SHROOM2: variants seen among roughly 807,000 people sequenced by gnomAD.
SHROOM2 encodes the protein shroom family member 2, also known as protein Shroom2.
Under a neutral mutation model 75.9 loss-of-function variants are expected in SHROOM2, and 33 were observed. The observed-to-expected ratio is 0.43, with a 90% confidence interval of 0.33 to 0.58. SHROOM2 has a LOEUF of 0.58. Among genes scored for constraint, SHROOM2 ranks in the 20% least tolerant of loss-of-function variants. The probability of loss-of-function intolerance (pLI) is 0.04; values close to 1 mark genes in which losing one functional copy is unlikely to be tolerated. For synonymous variants in SHROOM2, 655 were observed against 663.6 expected (o/e 0.99, Z 0.20); for missense variants, 1,434 against 1,461.2 (o/e 0.98, Z 0.30).
intron 1 of SHROOM2, among the ~76,000 whole-genome samples, chrX:9,797,550 C>A (rs1034488811): frequency 4.4e-5 from 5 of 112,760 alleles, no homozygotes; most frequent in African/African-American, 1.6e-4. Flanking sequence ...AGGAAAGCAT[C>A]ACTGTGGGTG....
intron 1 of SHROOM2, among the ~76,000 whole-genome samples, chrX:9,859,013 A>G (rs763179967): frequency 1.8e-5 from 2 of 111,701 alleles, no homozygotes; most frequent in South Asian, 7.5e-4. Flanking sequence ...CGGGAGTTCA[A>G]GACCAGCCTG....
chrX:9,812,567 G>A (rs920101631), intron 1 of SHROOM2, among the ~76,000 whole-genome samples: 4 of 112,144 alleles, frequency 3.6e-5, no homozygotes, highest in Non-Finnish European at 7.5e-5. Context: ...TAGAAGGTCC[G>A]TGAATTTTAG....
chrX:9,932,583 G>A lies in SHROOM2; in HGVS notation c.3300G>A (p.Ala1100=), dbSNP rs139824966. ...LGRPFPTPSP[A]SLDVYVARLS... ...GGCCCTTCCCAACGCCATCCCCTGC[G>A]TCCCTGGATGTGTATGTGGCCCGCC... The change falls in exon 6 of 10, where the codon GCG becomes GCA. Residue 1100 remains alanine, a synonymous_variant. Coordinates refer to ENST00000380913, the MANE Select transcript of SHROOM2 (RefSeq NM_001649.4). The A allele has an allele frequency of 9.5e-5, 115 of 1,210,064 alleles. No individual in the cohort carries two copies. In the East Asian group the frequency reaches 2.5e-3, roughly 27 times the overall value.
intron 5 of SHROOM2, among the ~76,000 whole-genome samples, chrX:9,920,341 A>C (rs944784421): frequency 1.8e-5 from 2 of 112,410 alleles, no homozygotes; most frequent in African/African-American, 6.5e-5. Flanking sequence ...TGGTAATATG[A>C]ACACCTCCTA....
At chrX:9,909,213 G>A (rs1381729521) in intron 5 of SHROOM2, among the ~76,000 whole-genome samples, 1 of 111,388 alleles carries the variant, frequency 9.0e-6, no homozygotes, top group Non-Finnish European at 1.9e-5. Flanking sequence ...TAGGGACACA[G>A]GAACCAACAA....
At position 9,932,448 on chromosome X, in the gene SHROOM2, G is replaced by A; in HGVS notation, c.3165G>A (p.Leu1055=). Reference sequence around the variant, plus strand: ...ACTCGTGGCCAGTGAGCTCAGCCCTGCTCTCCAAGAGGCCAGCCCCACAGA... The same window carrying A: ...ACTCGTGGCCAGTGAGCTCAGCCCTACTCTCCAAGAGGCCAGCCCCACAGA... The part of the protein sequence containing the change: ...GQDSWPVSSA[L]LSKRPAPQRP... The change falls in exon 6 of 10, where the codon CTG becomes CTA. Residue 1055 remains leucine (L), a synonymous_variant. Transcript: ENST00000380913. The A allele has an allele frequency of 8.3e-7, 1 of 1,208,026 alleles. No individual in the cohort carries two copies. Among genetic ancestry groups the A allele is most frequent in the Non-Finnish European group, 1.1e-6 (1 of 893,200 alleles).
intron 1 of SHROOM2, among the ~76,000 whole-genome samples, chrX:9,843,681 G>T (rs976367985): frequency 3.6e-5 from 4 of 112,503 alleles, no homozygotes; most frequent in Non-Finnish European, 7.5e-5. Context: ...GATTACAGGC[G>T]TGAGCCACTG....
In SHROOM2 at chrX:9,896,104, G is replaced by A. The variant is rs2084328456; in HGVS notation, c.2196G>A (p.Leu732=). 1 of 1,210,096 alleles carries A rather than the reference G, an allele frequency of 8.3e-7. No individual in the cohort carries two copies. ...DTVPHFWEAG[L]AQPPSSTSGG... ...TCCCCCACTTCTGGGAGGCAGGCCT[G>A]GCCCAGCCACCCTCATCTACAAGTG... The change falls in exon 4 of 10, where the codon CTG becomes CTA. Residue 732 remains leucine (L), a synonymous_variant. Transcript: ENST00000380913.
At chrX:9,838,188 G>C (rs1435962570) in intron 1 of SHROOM2, among the ~76,000 whole-genome samples, 1 of 107,565 alleles carries the variant, frequency 9.3e-6, no homozygotes, top group African/African-American at 3.4e-5. Context: ...AGCCTCCCGA[G>C]TTGCTGGGAC....
chrX:9,899,837 C>G (rs1406655818), intron 5 of SHROOM2, among the ~76,000 whole-genome samples: 3 of 112,631 alleles, frequency 2.7e-5, no homozygotes, highest in Admixed American at 1.9e-4. Context: ...CAAGCCAGCT[C>G]CCAGGCCGTT....
intron 5 of SHROOM2, among the ~76,000 whole-genome samples, chrX:9,931,360 G>T (rs911514633): frequency 9.0e-6 from 1 of 110,550 alleles, no homozygotes; most frequent in Non-Finnish European, 1.9e-5. Flanking sequence ...CTAAAAATAC[G>T]AAAATTAGCC....
At chrX:9,871,896 A>G (rs2084173070) in intron 1 of SHROOM2, among the ~76,000 whole-genome samples, 1 of 112,310 alleles carries the variant, frequency 8.9e-6, no homozygotes, top group South Asian at 3.7e-4. Flanking sequence ...TGGGTTAGCC[A>G]TGACATGCAG....
chrX:9,949,304 A>G lies in SHROOM2; in HGVS notation c.*2367A>G, dbSNP rs760998516. 6 of 330,338 alleles carry G rather than the reference A, an allele frequency of 1.8e-5. No individual in the cohort carries two copies. The highest frequency in any genetic ancestry group is 3.5e-5 in the Non-Finnish European group (6 of 169,868). The allele number at this position is 330,338 out of a possible 1,213,427, so 27.2% of individuals were successfully genotyped here. ...AGTGTGGCTGTGGAGGGCTCTGCCT[A>G]TGGGGGGTGGCCTGTGGCTTGTATC... On this transcript the variant is annotated 3_prime_UTR_variant, in exon 10 of 10. Transcript: ENST00000380913.
chrX:9,819,587 A>G (rs1290231847), intron 1 of SHROOM2: 1 of 152,236 alleles, frequency 6.6e-6, no homozygotes, highest in East Asian at 2.0e-4. Context: ...CTCGGTCTCT[A>G]ATGTGAAAAC....
intron 1 of SHROOM2, 65 bp downstream of exon 1, chrX:9,786,775 G>A (rs1756549188): frequency 1.3e-6 from 1 of 797,086 alleles, no homozygotes; most frequent in South Asian, 6.8e-5. Context: ...GGCGCGTCGA[G>A]GTAGGGGCGC....
intron 1 of SHROOM2, among the ~76,000 whole-genome samples, chrX:9,861,637 G>A (rs748785919): frequency 1.8e-5 from 2 of 112,238 alleles, no homozygotes; most frequent in Non-Finnish European, 3.8e-5. Flanking sequence ...AACTGTACTT[G>A]TAGCATACTT....
At chrX:9,850,702 C>T (rs1417601728) in intron 1 of SHROOM2, among the ~76,000 whole-genome samples, 1 of 110,330 alleles carries the variant, frequency 9.1e-6, no homozygotes, top group African/African-American at 3.3e-5. Context: ...TAGCCAGGTG[C>T]GGTGGCACAC....
At position 9,938,189 on chromosome X, in the gene SHROOM2, A is replaced by G. The variant is rs765040714; in HGVS notation, c.4139+504A>G. 8.1e-5 allele frequency among the ~76,000 whole-genome samples: 9 copies of G among 111,348 alleles called. No homozygotes were observed. The South Asian group carries it at 2.7e-3, about 33-fold the overall frequency. On this transcript the variant is annotated intron_variant, in intron 7 of 9. Transcript: ENST00000380913. ...GAATGAAGGCTTAGATTGAATATAT[A>G]TGTGTTTCTTTATGAAATGTTTTTT...
rs145578760 is a variant in SHROOM2, at chrX:9,826,895, G to C, written c.165+40185G>C. 7.1e-5 allele frequency among the ~76,000 whole-genome samples: 8 copies of C among 112,972 alleles called. No homozygotes were observed. In the East Asian group the frequency reaches 1.7e-3, roughly 23 times the overall value. On this transcript the variant is annotated intron_variant, in intron 1 of 9. Transcript: ENST00000380913. ...AAGGCTCAAACGCTTTTGAAAGGTG[G>C]ACAGTGGTAGAGAATGTTGAGTCTT...
Sources: allele counts gnomAD v4.1 joint callset (sites outside exome capture counted in the v4.1 genomes callset), GRCh38; gene constraint gnomAD v4.1.1; transcripts MANE v1.5; gene names NCBI Gene and HGNC (gene_info 2026-07-23, HGNC 2026-07-21).